The following MLF1 variants were observed in gnomAD, a reference collection of about 807,000 sequenced individuals.
MLF1 encodes myeloid leukemia factor 1.
A neutral mutation model predicts 38.3 loss-of-function variants in MLF1; 37 were observed. That is an observed-to-expected ratio of 0.96 (90% CI 0.74 to 1.27). The LOEUF is 1.27. Among genes scored for constraint, MLF1 ranks in the 50% most tolerant of loss-of-function variants. The pLI is 0.00. For missense variants in MLF1, 331 were observed against 349.2 expected, an observed-to-expected ratio of 0.95 and a Z score of 0.42; for synonymous variants, 95 against 106.5, an observed-to-expected ratio of 0.89 and a Z score of 0.66.
At chr3:158,601,264 C>A (rs911920034) in intron 6 of MLF1, among the ~76,000 whole-genome samples, 1 of 151,948 alleles carries the variant, frequency 6.6e-6, no homozygotes, top group East Asian at 1.9e-4. Context: ...GAAACCCCAT[C>A]TCTACTAAAA....
At position 158,572,763 on chromosome 3, in the gene MLF1, G is replaced by A. The variant is rs142322066; in HGVS notation, c.47+1416G>A. On this transcript the variant is annotated intron_variant, in intron 1 of 7. Transcript: ENST00000466246. ...GAGGGTGTGAGGTGGACAGAGGAGA[G>A]TTGATGGCGTGCAGTGGGGGGAGGA... 5.9e-3 allele frequency among the ~76,000 whole-genome samples: 809 copies of A among 136,272 alleles called. 19 individuals carry two copies. The highest frequency in any genetic ancestry group is 0.022 in the African/African-American group (785 of 35,652). The allele number at this position is 136,272 out of a possible 152,430, so 89.4% of individuals were successfully genotyped here. A position where few individuals can be genotyped will look rare whatever the true frequency, so the allele number is the denominator to read the frequency against.
chr3:158,597,109 A>G (rs551115454), intron 4 of MLF1, among the ~76,000 whole-genome samples, 164 bp downstream of exon 4: 1 of 152,196 alleles, frequency 6.6e-6, no homozygotes. Flanking sequence ...ATTTGAAGCA[A>G]AAGTTTCATG....
At chr3:158,575,097 A>T (rs898780494) in intron 1 of MLF1, among the ~76,000 whole-genome samples, 1 of 152,202 alleles carries the variant, frequency 6.6e-6, no homozygotes, top group African/African-American at 2.4e-5. Flanking sequence ...TACAAATAGT[A>T]AGCATACAGA....
At chr3:158,576,386 A>G (rs1446528938) in intron 1 of MLF1, among the ~76,000 whole-genome samples, 1 of 152,190 alleles carries the variant, frequency 6.6e-6, no homozygotes, top group Admixed American at 6.5e-5. Context: ...TTTGCTAACA[A>G]TATGCATATT....
rs764964426 is a variant in MLF1, at chr3:158,593,422, G to T, written c.236G>T (p.Gly79Val). 8 of 1,559,336 alleles carry T rather than the reference G, an allele frequency of 5.1e-6. No individual in the cohort carries two copies. Among genetic ancestry groups the T allele is most frequent in the Middle Eastern group, 1.7e-4 (1 of 6,032 alleles). Residue 79 changes from glycine (G) to valine (V), a missense_variant, in exon 3 of 8, where the codon GGT becomes GTT. Transcript: ENST00000466246. ...CTTGTGCCTTTTGGCGATTTTGGTG[G>T]TATGGTTCGTATCTTAAGACACAAA... ...CSLVPFGDFG[G>V]MHTDVSSFQT...
chr3:158,574,957 C>A lies in MLF1; in HGVS notation c.47+3610C>A, dbSNP rs529643843. Among the ~76,000 whole-genome samples the A allele has an allele frequency of 5.9e-5, 9 of 152,214 alleles. No homozygotes were observed. In the South Asian group the frequency reaches 1.9e-3, roughly 32 times the overall value. On this transcript the variant is annotated intron_variant, in intron 1 of 7. Transcript: ENST00000466246. ...TATCCTTCATTGTTAAGGATTCCAT[C>A]CTTAACTGTGAATGTGTAATGAGTA...
At chr3:158,599,393 A>G (rs1220921332) in intron 5 of MLF1, among the ~76,000 whole-genome samples, 1 of 152,230 alleles carries the variant, frequency 6.6e-6, no homozygotes, top group Non-Finnish European at 1.5e-5. Context: ...TAGGTTTACC[A>G]ATCTAATGAA....
At chr3:158,595,651 A>G (rs1040780721) in intron 3 of MLF1, among the ~76,000 whole-genome samples, 1 of 152,096 alleles carries the variant, frequency 6.6e-6, no homozygotes, top group Non-Finnish European at 1.5e-5. Context: ...TTTTACCCAA[A>G]TATATATTAG....
chr3:158,580,166 G>GA (rs1322630721), intron 1 of MLF1, among the ~76,000 whole-genome samples: 3 of 151,998 alleles, frequency 2.0e-5, no homozygotes, highest in Non-Finnish European at 4.4e-5. Context: ...AGAGCATTAG[G>GA]AAAAATGGCT....
chr3:158,600,912 CTT>C (rs1485583382), intron 6 of MLF1, among the ~76,000 whole-genome samples: 1 of 151,476 alleles, frequency 6.6e-6, no homozygotes, highest in Non-Finnish European at 1.5e-5. Flanking sequence ...TGTCCTAACT[CTT>C]CTCCCTGTAG....
chr3:158,601,230 C>T (rs983401885), intron 6 of MLF1, among the ~76,000 whole-genome samples: 5 of 151,674 alleles, frequency 3.3e-5, no homozygotes, highest in Admixed American at 6.6e-5. Context: ...GTCATAAGTT[C>T]GAGACCAGCC....
At chr3:158,594,298 G>A (rs1412172786) in intron 3 of MLF1, among the ~76,000 whole-genome samples, 1 of 152,114 alleles carries the variant, frequency 6.6e-6, no homozygotes, top group East Asian at 1.9e-4. Flanking sequence ...GTAGAAGTTA[G>A]CCAGAAAAGG....
chr3:158,579,281 A>G (rs542191385), intron 1 of MLF1, among the ~76,000 whole-genome samples: 4 of 134,684 alleles, frequency 3.0e-5, no homozygotes, highest in South Asian at 2.4e-4. Flanking sequence ...GTGTGCTACC[A>G]TAGAATTTTT....
At chr3:158,599,961 G>A (rs2108646386) in intron 5 of MLF1, 53 bp from the exon 6 acceptor site, 1 of 851,914 alleles carries the variant, frequency 1.2e-6, no homozygotes, top group Non-Finnish European at 1.6e-6. Flanking sequence ...CTGGCCCTGA[G>A]ATATACATTC....
chr3:158,577,382 T>C (rs6792449), intron 1 of MLF1, among the ~76,000 whole-genome samples: 84,826 of 151,356 alleles, frequency 0.56, 24,594 homozygotes, highest in African/African-American at 0.72. Flanking sequence ...GTAGAGTCTC[T>C]GCCAAATTGT....
rs1490870863 is a variant in MLF1, at chr3:158,596,854, T to C, written c.241-8T>C. The C allele has an allele frequency of 6.3e-7, 1 of 1,587,240 alleles. No homozygotes were observed. The highest frequency in any genetic ancestry group is 1.3e-5 in the African/African-American group (1 of 74,280). ...ACAGTTAATAACATACTTCCTGATA[T>C]TCTGTAGCATACAGATGTCAGCTCT... On this transcript the variant is annotated splice_region_variant and splice_polypyrimidine_tract_variant and intron_variant, in intron 3 of 7. Transcript: ENST00000466246.
At chr3:158,603,342 TAAC>T (rs1184450567) in intron 7 of MLF1, among the ~76,000 whole-genome samples, 24 of 152,170 alleles carry the variant, frequency 1.6e-4, no homozygotes, top group African/African-American at 3.6e-4. Flanking sequence ...TTGGAAGACT[TAAC>T]AACTTTCTTA....
chr3:158,579,640 G>C (rs373443818), intron 1 of MLF1, among the ~76,000 whole-genome samples: 3 of 152,082 alleles, frequency 2.0e-5, no homozygotes, highest in Non-Finnish European at 4.4e-5. Context: ...TTAATTTTTA[G>C]CCCAATTATA....
intron 5 of MLF1, among the ~76,000 whole-genome samples, chr3:158,598,702 TTTG>T (rs1310111177): frequency 6.6e-6 from 1 of 152,200 alleles, no homozygotes; most frequent in Non-Finnish European, 1.5e-5. Flanking sequence ...TGTCTCTTGC[TTTG>T]TTTTCTTTTT....
Sources: gnomAD v4.1 joint callset for allele counts (sites outside exome capture counted in the v4.1 genomes callset) on GRCh38, gnomAD v4.1.1 for gene constraint, MANE v1.5 for transcripts, NCBI Gene and HGNC (gene_info 2026-07-23, HGNC 2026-07-21) for gene names.